The following PPARG variants were observed in gnomAD, a reference collection of about 807,000 sequenced individuals.
PPARG encodes peroxisome proliferator-activated receptor gamma.
A neutral mutation model predicts 39.2 loss-of-function variants in PPARG; 17 were observed. The observed-to-expected ratio is 0.43, with a 90% CI of 0.30 to 0.65. The LOEUF is 0.65. Among genes scored for constraint, PPARG ranks in the 30% least tolerant of loss-of-function variants. The pLI is 0.13. For synonymous variants in PPARG, 223 were observed against 215.7 expected, an observed-to-expected ratio of 1.03 and a Z score of -0.30; for missense variants, 406 against 585.9, an observed-to-expected ratio of 0.69 and a Z score of 3.17.
intron 1 of PPARG, among the ~76,000 whole-genome samples, chr3:12,311,105 A>AT (rs879305294): frequency 5.3e-5 from 8 of 151,138 alleles, no homozygotes; most frequent in African/African-American, 1.7e-4. Context: ...CTGTATTAAA[A>AT]TTTTTTTTTT....
upstream of PPARG, chr3:12,288,065 T>C (rs935281921): frequency 6.6e-6 from 1 of 150,680 alleles, no homozygotes; most frequent in African/African-American, 2.4e-5. Flanking sequence ...GGCTGCTGGC[T>C]GGGCGGGGAG....
chr3:12,325,149 G>T (rs898799029), intron 2 of PPARG, among the ~76,000 whole-genome samples: 1 of 151,798 alleles, frequency 6.6e-6, no homozygotes, highest in Admixed American at 6.6e-5. Flanking sequence ...TTGTCTGGGC[G>T]CAGTGGCTCA....
intron 2 of PPARG, among the ~76,000 whole-genome samples, chr3:12,315,314 T>C (rs1405699149): frequency 2.0e-5 from 3 of 152,194 alleles, no homozygotes; most frequent in Non-Finnish European, 2.9e-5. Context: ...CCATCGTGTA[T>C]GTGAGCCACA....
chr3:12,422,580 G>A (rs1396877595), intron 7 of PPARG, among the ~76,000 whole-genome samples: 6 of 152,224 alleles, frequency 3.9e-5, no homozygotes, highest in Middle Eastern at 3.4e-3. Context: ...TCCAGATATT[G>A]TAATTAAGAA....
At chr3:12,326,784 C>T (rs541388438) in intron 2 of PPARG, among the ~76,000 whole-genome samples, 1 of 151,408 alleles carries the variant, frequency 6.6e-6, no homozygotes, top group South Asian at 2.1e-4. Flanking sequence ...TGGGTAGAAA[C>T]TAATACTGAT....
intron 7 of PPARG, among the ~76,000 whole-genome samples, chr3:12,424,583 T>C (rs963779847): frequency 6.6e-6 from 1 of 152,166 alleles, no homozygotes; most frequent in Non-Finnish European, 1.5e-5. Flanking sequence ...ACTGGCACAG[T>C]TCACCAAGAC....
intron 2 of PPARG, among the ~76,000 whole-genome samples, chr3:12,336,785 G>T (rs572937059): frequency 6.6e-6 from 1 of 152,178 alleles, no homozygotes; most frequent in Non-Finnish European, 1.5e-5. Context: ...TTGAACAAAG[G>T]CCTTTAGGTT....
At chr3:12,432,797 A>G (rs1216693564) in intron 7 of PPARG, among the ~76,000 whole-genome samples, 1 of 152,252 alleles carries the variant, frequency 6.6e-6, no homozygotes, top group African/African-American at 2.4e-5. Context: ...AATTGTTTCA[A>G]TATACTAAAA....
chr3:12,306,615 C>G (rs935818297), intron 1 of PPARG, among the ~76,000 whole-genome samples: 2 of 152,174 alleles, frequency 1.3e-5, no homozygotes, highest in African/African-American at 4.8e-5. Context: ...ACAATTAGAC[C>G]TATACAGGTG....
chr3:12,402,561 G>C (rs371005968), intron 5 of PPARG, among the ~76,000 whole-genome samples: 20 of 152,238 alleles, frequency 1.3e-4, no homozygotes, highest in Admixed American at 4.6e-4. Flanking sequence ...CAACATCATA[G>C]TATAGTAACA....
rs142594822 is a variant in PPARG, at chr3:12,431,505, T to C, written c.1181-2393T>C. 8.7e-4 allele frequency among the ~76,000 whole-genome samples: 133 copies of C among 152,130 alleles called. 1 individual carries two copies. The highest frequency in any genetic ancestry group is 3.2e-3 in the African/African-American group (132 of 41,522). ...ACCTAAAGAAAGTTTTAAAAAGGAATTCAATAAATTAAAAACAAAACACAC... is the reference window on the plus strand; with the variant it reads ...ACCTAAAGAAAGTTTTAAAAAGGAACTCAATAAATTAAAAACAAAACACAC... On this transcript the variant is annotated intron_variant, in intron 7 of 7. Coordinates refer to ENST00000651735, the MANE Select transcript of PPARG (RefSeq NM_138711.6).
chr3:12,328,201 A>G, intron 2 of PPARG: 1 of 1,460,178 alleles, frequency 6.8e-7, no homozygotes, highest in Non-Finnish European at 9.5e-7. Context: ...GAACAGAAAA[A>G]GTCCTACCTG....
intron 6 of PPARG, among the ~76,000 whole-genome samples, chr3:12,415,893 T>C (rs2051039105): frequency 6.6e-6 from 1 of 152,208 alleles, no homozygotes; most frequent in Non-Finnish European, 1.5e-5. Flanking sequence ...GAAAAGTTAT[T>C]ACCTGTGAAG....
At chr3:12,287,980 C>G (rs973177986), upstream of PPARG, 1 of 150,366 alleles carries the variant, frequency 6.7e-6, no homozygotes, top group African/African-American at 2.4e-5. Context: ...GGGTCGGCCT[C>G]GAGGACACCG....
chr3:12,370,119 C>T (rs2049156579), intron 2 of PPARG, among the ~76,000 whole-genome samples: 1 of 152,068 alleles, frequency 6.6e-6, no homozygotes, highest in Admixed American at 6.6e-5. Context: ...CCTTATCATT[C>T]TGAAAATGTC....
At chr3:12,404,466 T>C (rs1318789653) in intron 5 of PPARG, among the ~76,000 whole-genome samples, 2 of 152,332 alleles carry the variant, frequency 1.3e-5, no homozygotes, top group East Asian at 1.9e-4. Context: ...TGTGCTGTCA[T>C]GTCTCATGGT....
At chr3:12,303,438 T>C (rs1303924417) in intron 1 of PPARG, among the ~76,000 whole-genome samples, 3 of 152,114 alleles carry the variant, frequency 2.0e-5, no homozygotes, top group African/African-American at 7.2e-5. Context: ...TGACCTCAAG[T>C]GATCTGCCCG....
intron 6 of PPARG, among the ~76,000 whole-genome samples, chr3:12,411,687 T>C (rs1056047062): frequency 2.0e-5 from 3 of 152,136 alleles, no homozygotes; most frequent in Non-Finnish European, 2.9e-5. Flanking sequence ...GTTTATCCAT[T>C]AGTCAGAGAA....
intron 1 of PPARG, among the ~76,000 whole-genome samples, chr3:12,299,323 G>A (rs2046870277): frequency 6.6e-6 from 1 of 152,036 alleles, no homozygotes; most frequent in Admixed American, 6.6e-5. Flanking sequence ...ACTAAGAGGG[G>A]GTGAATGGGC....
Sources: gnomAD v4.1 joint callset for allele counts (sites outside exome capture counted in the v4.1 genomes callset) on GRCh38, gnomAD v4.1.1 for gene constraint, MANE v1.5 for transcripts, NCBI Gene and HGNC (gene_info 2026-07-23, HGNC 2026-07-21) for gene names.